The following ITGB8 variants were observed in gnomAD, a reference collection of about 807,000 sequenced individuals.
The protein encoded by ITGB8 is integrin beta-8.
Under a neutral mutation model 89.5 loss-of-function variants are expected in ITGB8, and 30 were observed. The ratio of observed to expected loss-of-function variants is 0.34; its 90% CI spans 0.25 to 0.45. The LOEUF (loss-of-function observed/expected upper bound fraction) is 0.45. Among genes scored for constraint, ITGB8 ranks in the 20% least tolerant of loss-of-function variants. The probability of loss-of-function intolerance (pLI) is 1.00; values close to 1 mark genes in which losing one functional copy is unlikely to be tolerated. For missense variants in ITGB8, 836 were observed against 933.3 expected (o/e 0.90, Z 1.36); for synonymous variants, 335 against 320.4 (o/e 1.05, Z -0.49).
chr7:20,367,042 C>T lies in ITGB8; in HGVS notation c.244C>T (p.Arg82Cys), dbSNP rs765221616. ...CATTTCAGGTGGATCAAGAAGTGAA[C>T]GTTGTGATATTGTTTCCAATTTAAT... ...DFISGGSRSE[R>C]CDIVSNLISK... Residue 82 changes from arginine (R) to cysteine (C), a missense_variant, in exon 3 of 14, where the codon CGT (arginine) becomes TGT (cysteine). Physicochemically the swap from Arg to Cys is radical, Grantham distance 180. Coordinates refer to ENST00000222573, the MANE Select transcript of ITGB8 (RefSeq NM_002214.3). The T allele has an allele frequency of 5.0e-6, 8 of 1,611,340 alleles. No individual in the cohort carries two copies. The highest frequency in any genetic ancestry group is 1.3e-5 in the African/African-American group (1 of 74,876).
At chr7:20,403,051 C>T (rs889051327) in intron 10 of ITGB8, among the ~76,000 whole-genome samples, 2 of 152,022 alleles carry the variant, frequency 1.3e-5, no homozygotes, top group Non-Finnish European at 2.9e-5. Flanking sequence ...GCATATGGGA[C>T]GTAACAAACC....
chr7:20,337,736 T>C (rs961630979), intron 1 of ITGB8, among the ~76,000 whole-genome samples: 5 of 152,214 alleles, frequency 3.3e-5, no homozygotes, highest in African/African-American at 1.2e-4. Flanking sequence ...GAGGAGTCCC[T>C]ACCTTGAACC....
chr7:20,347,870 A>T (rs1034040668), intron 1 of ITGB8, among the ~76,000 whole-genome samples: 4 of 152,228 alleles, frequency 2.6e-5, no homozygotes, highest in African/African-American at 9.6e-5. Context: ...CAAAGACATA[A>T]CAAGGGGAGT....
intron 3 of ITGB8, among the ~76,000 whole-genome samples, chr7:20,377,955 G>A (rs1459450813): frequency 1.3e-5 from 2 of 151,952 alleles, no homozygotes; most frequent in Non-Finnish European, 2.9e-5. Flanking sequence ...TCTTTAAATA[G>A]GTAAATTATG....
At chr7:20,346,284 A>G (rs765106308) in intron 1 of ITGB8, among the ~76,000 whole-genome samples, 3 of 152,210 alleles carry the variant, frequency 2.0e-5, no homozygotes, top group Non-Finnish European at 4.4e-5. Flanking sequence ...GAACATTCAG[A>G]TAAGGGACTG....
chr7:20,390,161 C>T (rs1786796440), intron 6 of ITGB8, among the ~76,000 whole-genome samples: 1 of 152,058 alleles, frequency 6.6e-6, no homozygotes, highest in Non-Finnish European at 1.5e-5. Flanking sequence ...AAAGAAAATA[C>T]AGTTAACATT....
At chr7:20,356,500 A>G (rs1785299196) in intron 1 of ITGB8, among the ~76,000 whole-genome samples, 1 of 152,198 alleles carries the variant, frequency 6.6e-6, no homozygotes, top group Non-Finnish European at 1.5e-5. Flanking sequence ...AACATGTATT[A>G]ATTACAACAG....
chr7:20,383,361 C>A (rs936159894), intron 6 of ITGB8, among the ~76,000 whole-genome samples: 5 of 152,140 alleles, frequency 3.3e-5, no homozygotes, highest in Admixed American at 3.3e-4. Flanking sequence ...CTCTTCTACT[C>A]AGCCTTATTT....
chr7:20,331,969 C>T (rs201461288), intron 1 of ITGB8, 36 bp downstream of exon 1: 46 of 1,606,346 alleles, frequency 2.9e-5, no homozygotes, highest in Middle Eastern at 1.7e-4. Flanking sequence ...TTCTTCTCTT[C>T]CCCAAAGGTC....
intron 2 of ITGB8, chr7:20,366,048 C>G (rs1482949966): frequency 6.6e-6 from 1 of 152,186 alleles, no homozygotes. Context: ...GCATGTTAAT[C>G]TGCCATTCCA....
chr7:20,351,529 T>G (rs1204102791), intron 1 of ITGB8, among the ~76,000 whole-genome samples: 2 of 152,254 alleles, frequency 1.3e-5, no homozygotes, highest in Admixed American at 1.3e-4. Context: ...AATAGATACT[T>G]GATTTTTTAA....
At chr7:20,350,766 G>C (rs766290721) in intron 1 of ITGB8, among the ~76,000 whole-genome samples, 1 of 152,232 alleles carries the variant, frequency 6.6e-6, no homozygotes. Context: ...TTTCAAGACA[G>C]AGCTAGAAAT....
At chr7:20,348,114 T>C (rs772514383) in intron 1 of ITGB8, among the ~76,000 whole-genome samples, 1 of 152,226 alleles carries the variant, frequency 6.6e-6, no homozygotes, top group Non-Finnish European at 1.5e-5. Context: ...AGATCTTCTC[T>C]ATAATATAAT....
chr7:20,368,460 T>C (rs1171083947), intron 3 of ITGB8, among the ~76,000 whole-genome samples: 1 of 152,200 alleles, frequency 6.6e-6, no homozygotes, highest in Non-Finnish European at 1.5e-5. Flanking sequence ...GCCTGTGTTT[T>C]CTTTTGCCTT....
chr7:20,344,005 A>G (rs776718475), intron 1 of ITGB8, among the ~76,000 whole-genome samples: 46 of 152,200 alleles, frequency 3.0e-4, no homozygotes, highest in Admixed American at 5.2e-4. Context: ...TATTTAATCA[A>G]TAAATGAATT....
chr7:20,366,981 A>C, intron 2 of ITGB8, 31 bp from the exon 3 acceptor site: 1 of 1,543,148 alleles, frequency 6.5e-7, no homozygotes, highest in Non-Finnish European at 8.9e-7. Flanking sequence ...TATACACTAA[A>C]AACATCAGTG....
Position 20,410,072 on chromosome 7 carries a change from C to T in ITGB8, c.*75C>T, listed in dbSNP as rs561093681. 2 of 1,478,186 alleles carry T rather than the reference C, an allele frequency of 1.4e-6. No individual in the cohort carries two copies. Among genetic ancestry groups the T allele is most frequent in the East Asian group, 4.5e-5 (2 of 44,082 alleles). 91.6% of individuals were successfully genotyped at this position (1,478,186 alleles called of 1,614,324 possible). On this transcript the variant is annotated 3_prime_UTR_variant, in exon 14 of 14. Coordinates refer to ENST00000222573, the MANE Select transcript of ITGB8 (RefSeq NM_002214.3). ...TCCTAAAGATTATAATTTTAAAAGTCACAGGAGGAGACAAATTGCTCACGG... is the reference window on the plus strand; with the variant it reads ...TCCTAAAGATTATAATTTTAAAAGTTACAGGAGGAGACAAATTGCTCACGG...
At chr7:20,340,193 T>C (rs541585375) in intron 1 of ITGB8, among the ~76,000 whole-genome samples, 24 of 152,352 alleles carry the variant, frequency 1.6e-4, no homozygotes, top group African/African-American at 5.1e-4. Flanking sequence ...TTTGTTGTAA[T>C]CAAATAATAC....
chr7:20,337,466 T>A (rs2128125651), intron 1 of ITGB8, among the ~76,000 whole-genome samples: 1 of 152,260 alleles, frequency 6.6e-6, no homozygotes, highest in East Asian at 1.9e-4. Context: ...CGATTAAGTT[T>A]TGTGTATTAT....
Sources: gnomAD v4.1 joint callset for allele counts (sites outside exome capture counted in the v4.1 genomes callset) on GRCh38, gnomAD v4.1.1 for gene constraint, MANE v1.5 for transcripts, NCBI Gene and HGNC (gene_info 2026-07-23, HGNC 2026-07-21) for gene names.